SKAP1: variants seen among roughly 807,000 people sequenced by gnomAD.
The protein encoded by SKAP1 is src kinase associated phosphoprotein 1.
A neutral mutation model predicts 58.5 loss-of-function variants in SKAP1; 44 were observed. The observed-to-expected ratio is 0.75, with a 90% CI of 0.59 to 0.97. The LOEUF is 0.97. SKAP1 is among the 50% of genes least tolerant of loss of function. The pLI is 0.00. For missense variants in SKAP1, 390 were observed against 435.2 expected (o/e 0.90, Z 0.92); for synonymous variants, 127 against 149.7 (o/e 0.85, Z 1.11).
intron 4 of SKAP1, among the ~76,000 whole-genome samples, chr17:48,324,892 T>C (rs994732504): frequency 6.6e-6 from 1 of 152,028 alleles, no homozygotes; most frequent in Non-Finnish European, 1.5e-5. Flanking sequence ...CAGTGAGTAT[T>C]TTCACCTACT....
chr17:48,135,950 T>G (rs1175662003), intron 12 of SKAP1, among the ~76,000 whole-genome samples: 3 of 152,164 alleles, frequency 2.0e-5, no homozygotes, highest in Non-Finnish European at 4.4e-5. Context: ...GGGATAAACC[T>G]AGATCCATCC....
intron 4 of SKAP1, among the ~76,000 whole-genome samples, chr17:48,201,092 C>T (rs1214915142): frequency 6.6e-6 from 1 of 151,864 alleles, no homozygotes; most frequent in African/African-American, 2.4e-5. Flanking sequence ...TAAGAAGAGG[C>T]AAGGAAAGGA....
At position 48,266,973 on chromosome 17, in the gene SKAP1, T is replaced by C. The variant is rs540038029; in HGVS notation, c.281-77473A>G. Among the ~76,000 whole-genome samples, 8 of 152,354 alleles carry C rather than the reference T, an allele frequency of 5.3e-5. No individual in the cohort carries two copies. The East Asian group carries it at 1.5e-3, about 29-fold the overall frequency. ...GACTAGACTAACACTCAACACGAAA[T>C]GCTTTCACTGCTTGAAGGAAAGCCC... On this transcript the variant is annotated intron_variant, in intron 4 of 12. Transcript: ENST00000336915.
chr17:48,364,714 T>C (rs1339758002), intron 2 of SKAP1, among the ~76,000 whole-genome samples: 1 of 152,112 alleles, frequency 6.6e-6, no homozygotes, highest in Non-Finnish European at 1.5e-5. Flanking sequence ...AAGTGAAACA[T>C]GAACAATTGA....
chr17:48,282,318 C>T (rs546220540), intron 4 of SKAP1, among the ~76,000 whole-genome samples: 32 of 152,250 alleles, frequency 2.1e-4, no homozygotes, highest in African/African-American at 7.7e-4. Flanking sequence ...TCATTCCTCA[C>T]CTCTACCCAA....
chr17:48,188,870 C>T (rs911430683), intron 5 of SKAP1, among the ~76,000 whole-genome samples: 2 of 151,998 alleles, frequency 1.3e-5, no homozygotes, highest in African/African-American at 4.8e-5. Context: ...CATGGTGGCA[C>T]GCACCTGTAG....
At chr17:48,395,714 C>T (rs2067410137) in intron 2 of SKAP1, among the ~76,000 whole-genome samples, 1 of 152,060 alleles carries the variant, frequency 6.6e-6, no homozygotes, top group South Asian at 2.1e-4. Context: ...TTACACAGTC[C>T]CCAGTTGCTG....
At chr17:48,292,708 G>A (rs1261348634) in intron 4 of SKAP1, among the ~76,000 whole-genome samples, 3 of 152,122 alleles carry the variant, frequency 2.0e-5, no homozygotes, top group Non-Finnish European at 4.4e-5. Flanking sequence ...TTTGGGCATG[G>A]GGAGATATGG....
chr17:48,435,093 G>A (rs533487794), upstream of SKAP1, among the ~76,000 whole-genome samples: 6 of 152,150 alleles, frequency 3.9e-5, no homozygotes, highest in Admixed American at 1.3e-4. Flanking sequence ...CGAGGTTGCC[G>A]TGCCACTGCA....
chr17:48,377,171 G>C (rs921558151), intron 2 of SKAP1: 1 of 152,116 alleles, frequency 6.6e-6, no homozygotes, highest in Non-Finnish European at 1.5e-5. Flanking sequence ...GGTAAAGACT[G>C]ACAAGGGTTT....
At chr17:48,195,770 G>A (rs2064618286) in intron 4 of SKAP1, among the ~76,000 whole-genome samples, 1 of 152,138 alleles carries the variant, frequency 6.6e-6, no homozygotes, top group Non-Finnish European at 1.5e-5. Flanking sequence ...CAACACAGAA[G>A]ACAACTTTCA....
intron 1 of SKAP1, among the ~76,000 whole-genome samples, chr17:48,399,216 G>A (rs911986627): frequency 1.3e-5 from 2 of 152,052 alleles, no homozygotes; most frequent in East Asian, 1.9e-4. Context: ...GAATGCTAAC[G>A]AATGAGGAAA....
intron 4 of SKAP1, among the ~76,000 whole-genome samples, chr17:48,334,489 T>C (rs1317693745): frequency 6.6e-6 from 1 of 151,902 alleles, no homozygotes; most frequent in Non-Finnish European, 1.5e-5. Context: ...CAGGTATAAC[T>C]AAAGGCCATC....
chr17:48,154,748 A>T lies in SKAP1; in HGVS notation c.978+7721T>A, dbSNP rs887396110. 6.6e-5 allele frequency among the ~76,000 whole-genome samples: 10 copies of T among 152,100 alleles called. No individual in the cohort carries two copies. In the East Asian group the frequency reaches 7.7e-4, roughly 12 times the overall value. ...ATAACTTATGGAACAGGATGCTTTTAAAAAAAATGGGCGTTTAAGTCTTAT... is the reference window on the plus strand; with the variant it reads ...ATAACTTATGGAACAGGATGCTTTTTAAAAAAATGGGCGTTTAAGTCTTAT... On this transcript the variant is annotated intron_variant, in intron 11 of 12. Transcript: ENST00000336915.
At chr17:48,353,146 TGTA>T (rs1312185376) in intron 3 of SKAP1, among the ~76,000 whole-genome samples, 5 of 152,160 alleles carry the variant, frequency 3.3e-5, no homozygotes, top group African/African-American at 9.7e-5. Context: ...TATCGAGTAA[TGTA>T]GTAATTTTTT....
At chr17:48,398,692 G>A (rs2067453617) in intron 1 of SKAP1, among the ~76,000 whole-genome samples, 2 of 152,142 alleles carry the variant, frequency 1.3e-5, no homozygotes, top group South Asian at 2.1e-4. Context: ...ATTTAACAAC[G>A]CCAGGCCGGG....
chr17:48,304,828 TC>T (rs2066114670), intron 4 of SKAP1, among the ~76,000 whole-genome samples: 1 of 152,210 alleles, frequency 6.6e-6, no homozygotes, highest in Non-Finnish European at 1.5e-5. Context: ...TTAAAAAATT[TC>T]TTTAACAAAA....
At chr17:48,426,580 C>T (rs1051277761) in intron 1 of SKAP1, among the ~76,000 whole-genome samples, 2 of 152,146 alleles carry the variant, frequency 1.3e-5, no homozygotes, top group African/African-American at 2.4e-5. Context: ...TTTTTGTTTT[C>T]GGTGTGGTTA....
intron 4 of SKAP1, among the ~76,000 whole-genome samples, chr17:48,241,699 T>C (rs1270231972): frequency 6.6e-6 from 1 of 152,180 alleles, no homozygotes; most frequent in Non-Finnish European, 1.5e-5. Context: ...ATTCCAACAT[T>C]CTTTTCACTA....
Sources: allele counts gnomAD v4.1 joint callset (sites outside exome capture counted in the v4.1 genomes callset), GRCh38; gene constraint gnomAD v4.1.1; transcripts MANE v1.5; gene names NCBI Gene and HGNC (gene_info 2026-07-23, HGNC 2026-07-21).